The following ASXL3 variants were observed in gnomAD, a reference collection of about 807,000 sequenced individuals.
The protein encoded by ASXL3 is putative Polycomb group protein ASXL3.
Under a neutral mutation model 170.6 loss-of-function variants are expected in ASXL3, and 34 were observed. The observed-to-expected ratio is 0.20, with a 90% confidence interval of 0.15 to 0.27. The LOEUF is 0.27. ASXL3 is among the 10% of genes least tolerant of loss of function. The probability of loss-of-function intolerance (pLI) is 1.00; values close to 1 mark genes in which losing one functional copy is unlikely to be tolerated. For synonymous variants in ASXL3, 1,002 were observed against 989.1 expected (o/e 1.01, Z -0.24); for missense variants, 2,592 against 2,695.3 (o/e 0.96, Z 0.85).
intron 2 of ASXL3, among the ~76,000 whole-genome samples, chr18:33,638,173 A>G (rs1473880561): frequency 1.3e-5 from 2 of 150,194 alleles, no homozygotes; most frequent in Non-Finnish European, 3.0e-5. Context: ...GTGTGTATAT[A>G]TATATCTTAT....
intron 8 of ASXL3, among the ~76,000 whole-genome samples, chr18:33,699,279 A>T (rs556899331): frequency 6.6e-6 from 1 of 152,330 alleles, no homozygotes; most frequent in Admixed American, 6.5e-5. Flanking sequence ...AAAGGAAACC[A>T]TGCTTACATA....
At chr18:33,738,390 G>C in intron 10 of ASXL3, 97 bp from the exon 11 acceptor site, 1 of 1,176,776 alleles carries the variant, frequency 8.5e-7, no homozygotes, top group Non-Finnish European at 1.2e-6. Flanking sequence ...GTAATTTGAT[G>C]CATTTACTTC....
intron 4 of ASXL3, among the ~76,000 whole-genome samples, chr18:33,653,732 G>A (rs1161540307): frequency 6.6e-6 from 1 of 152,006 alleles, no homozygotes; most frequent in African/African-American, 2.4e-5. Context: ...TATTCTAATA[G>A]TATATGATCC....
chr18:33,665,370 A>G (rs977357305), intron 5 of ASXL3, among the ~76,000 whole-genome samples: 6 of 152,186 alleles, frequency 3.9e-5, no homozygotes, highest in Non-Finnish European at 7.4e-5. Flanking sequence ...TGAAATTCCA[A>G]AGGTTATATT....
At chr18:33,732,306 C>T (rs1329951737) in intron 9 of ASXL3, among the ~76,000 whole-genome samples, 1 of 152,140 alleles carries the variant, frequency 6.6e-6, no homozygotes, top group African/African-American at 2.4e-5. Flanking sequence ...GATGCAGCAA[C>T]ATTTTCTTGC....
intron 2 of ASXL3, among the ~76,000 whole-genome samples, chr18:33,612,797 A>T (rs1026510356): frequency 6.6e-6 from 1 of 152,146 alleles, no homozygotes; most frequent in East Asian, 1.9e-4. Context: ...TTTTGCCTAG[A>T]GATAAGAAAT....
At chr18:33,626,177 G>A (rs575003550) in intron 2 of ASXL3, among the ~76,000 whole-genome samples, 12 of 152,162 alleles carry the variant, frequency 7.9e-5, no homozygotes, top group East Asian at 5.8e-4. Flanking sequence ...TTTCTAAAAA[G>A]CCTATTCATT....
At chr18:33,645,100 A>T in intron 3 of ASXL3, 98 bp downstream of exon 3, 1 of 647,630 alleles carries the variant, frequency 1.5e-6, no homozygotes, top group Non-Finnish European at 2.5e-6. Flanking sequence ...TAGAAGAATG[A>T]CTCCTATGCC....
At chr18:33,654,038 C>G (rs148059932) in intron 4 of ASXL3, among the ~76,000 whole-genome samples, 1 of 151,974 alleles carries the variant, frequency 6.6e-6, no homozygotes, top group African/African-American at 2.4e-5. Flanking sequence ...AACTTCATTC[C>G]TGTCTAGATG....
At position 33,712,500 on chromosome 18, in the gene ASXL3, C is replaced by G. The variant is rs372460031; in HGVS notation, c.880-19468C>G. Among the ~76,000 whole-genome samples, 17 of 152,250 alleles carry G rather than the reference C, an allele frequency of 1.1e-4. No homozygotes were observed. The East Asian group carries it at 2.5e-3, about 23-fold the overall frequency. On this transcript the variant is annotated intron_variant, in intron 8 of 11. Coordinates refer to ENST00000269197, the MANE Select transcript of ASXL3 (RefSeq NM_030632.3). ...AATCTCTTTTGTATTTCAGACTGCT[C>G]TCTTATTTCACCTGTAGTTTACAAT...
At chr18:33,642,758 G>T (rs914696133) in intron 2 of ASXL3, among the ~76,000 whole-genome samples, 5 of 151,896 alleles carry the variant, frequency 3.3e-5, no homozygotes, top group African/African-American at 1.2e-4. Flanking sequence ...TATGTTTGCA[G>T]CAAGCACAGC....
chr18:33,726,856 A>G (rs529334671), intron 8 of ASXL3, among the ~76,000 whole-genome samples: 1 of 152,208 alleles, frequency 6.6e-6, no homozygotes, highest in Non-Finnish European at 1.5e-5. Flanking sequence ...GCCCAGTGTG[A>G]TCCTGTCCCC....
chr18:33,620,491 G>A lies in ASXL3; in HGVS notation c.137+12815G>A, dbSNP rs559745552. Among the ~76,000 whole-genome samples, 218 of 152,212 alleles carry A rather than the reference G, an allele frequency of 1.4e-3. 1 individual carries two copies. Among genetic ancestry groups the A allele is most frequent in the African/African-American group, 5.0e-3 (207 of 41,542 alleles). ...AGGAAAGTACTGAACAAGAATACAGGAAGTACTAGTAGGAATTGCCAAAGT... is the reference window on the plus strand; with the variant it reads ...AGGAAAGTACTGAACAAGAATACAGAAAGTACTAGTAGGAATTGCCAAAGT... On this transcript the variant is annotated intron_variant, in intron 2 of 11. Coordinates refer to ENST00000269197, the MANE Select transcript of ASXL3 (RefSeq NM_030632.3).
At chr18:33,654,329 T>TA (rs1361737082) in intron 4 of ASXL3, among the ~76,000 whole-genome samples, 1 of 152,058 alleles carries the variant, frequency 6.6e-6, no homozygotes, top group Non-Finnish European at 1.5e-5. Context: ...TTGATTTATA[T>TA]AATCTGTGAC....
At chr18:33,657,330 A>G (rs1368728539) in intron 4 of ASXL3, among the ~76,000 whole-genome samples, 4 of 152,096 alleles carry the variant, frequency 2.6e-5, no homozygotes, top group Admixed American at 6.6e-5. Flanking sequence ...TGGCTGGATT[A>G]TAGAGGCTGA....
In ASXL3 at chr18:33,745,186, T is replaced by C. The variant is rs554628113; in HGVS notation, c.5338T>C (p.Leu1780=). 4 of 1,613,990 alleles carry C rather than the reference T, an allele frequency of 2.5e-6. No individual in the cohort carries two copies. The highest frequency in any genetic ancestry group is 1.3e-5 in the African/African-American group (1 of 75,052). The stretch of plus-strand genomic sequence containing the variant: ...CAAGCTTGAAATCAACAGGCTTCCA[T>C]TGCCTCTTCAAACTACCTCAGTGGG... The part of the protein sequence containing the change: ...GAKLEINRLP[L]PLQTTSVGKT... The change falls in exon 12 of 12, where the codon TTG becomes CTG. Residue 1780 remains leucine, a synonymous_variant. Coordinates refer to ENST00000269197, the MANE Select transcript of ASXL3 (RefSeq NM_030632.3).
intron 8 of ASXL3, among the ~76,000 whole-genome samples, chr18:33,707,695 G>T (rs1260757816): frequency 6.6e-6 from 1 of 151,766 alleles, no homozygotes; most frequent in Admixed American, 6.6e-5. Context: ...AATATCTTTG[G>T]TATAGTGTTG....
chr18:33,578,843 G>A, intron 1 of ASXL3, 158 bp downstream of exon 1: 1 of 371,114 alleles, frequency 2.7e-6, no homozygotes, highest in Non-Finnish European at 4.0e-6. Context: ...GGCTCGCCCG[G>A]GGGCCCCTGT....
At chr18:33,641,387 A>G (rs1434658030) in intron 2 of ASXL3, among the ~76,000 whole-genome samples, 5 of 151,870 alleles carry the variant, frequency 3.3e-5, no homozygotes, top group Non-Finnish European at 7.4e-5. Context: ...CCACAGCCTT[A>G]CAGTACAGGG....
Sources: gnomAD v4.1 joint callset for allele counts (sites outside exome capture counted in the v4.1 genomes callset) on GRCh38, gnomAD v4.1.1 for gene constraint, MANE v1.5 for transcripts, NCBI Gene and HGNC (gene_info 2026-07-23, HGNC 2026-07-21) for gene names.